GAB4: variants seen among roughly 807,000 people sequenced by gnomAD.
GAB4 encodes the protein GRB2-associated-binding protein 4.
A neutral mutation model predicts 51.3 loss-of-function variants in GAB4; 26 were observed. The observed-to-expected ratio is 0.51, with a 90% CI of 0.37 to 0.70. The LOEUF (loss-of-function observed/expected upper bound fraction) is 0.70. Ranked by LOEUF, GAB4 falls within the 30% of genes least tolerant of loss-of-function variation. The probability of loss-of-function intolerance (pLI) is 0.00; values close to 1 mark genes in which losing one functional copy is unlikely to be tolerated. For synonymous variants in GAB4, 329 were observed against 291.2 expected (o/e 1.13, Z -1.32); for missense variants, 759 against 734.6 (o/e 1.03, Z -0.38).
intron 1 of GAB4, among the ~76,000 whole-genome samples, chr22:17,006,480 A>G (rs1002640101): frequency 1.4e-4 from 22 of 152,218 alleles, no homozygotes; most frequent in African/African-American, 5.1e-4. Context: ...TAGAAATACC[A>G]TTTGACCCAG....
chr22:16,994,930 C>T (rs140420329), intron 1 of GAB4, among the ~76,000 whole-genome samples: 402 of 152,258 alleles, frequency 2.6e-3, no homozygotes, highest in African/African-American at 8.6e-3. Flanking sequence ...TTCACAGATA[C>T]GACTAATTTT....
chr22:16,999,644 G>A (rs868296069), intron 1 of GAB4, among the ~76,000 whole-genome samples: 74 of 152,252 alleles, frequency 4.9e-4, no homozygotes, highest in African/African-American at 1.8e-3. Flanking sequence ...ATCTCCTTCA[G>A]TTCTGCTCTG....
chr22:16,969,685 T>C, intron 4 of GAB4: 1 of 651,310 alleles, frequency 1.5e-6, no homozygotes, highest in Non-Finnish European at 2.7e-6. Context: ...ACAGACCACC[T>C]GCTACTTTCA....
chr22:16,965,141 C>A, intron 7 of GAB4, 37 bp downstream of exon 7: 1 of 1,511,480 alleles, frequency 6.6e-7, no homozygotes, highest in South Asian at 1.1e-5. Flanking sequence ...TCCACCGGCC[C>A]GGTCCCAAGC....
In GAB4 at chr22:16,964,673, G is replaced by A; in HGVS notation, c.1476+93C>T. 19 of 848,584 alleles carry A rather than the reference G, an allele frequency of 2.2e-5. 2 individuals carry two copies. The South Asian group carries it at 3.1e-4, about 14-fold the overall frequency. The allele number at this position is 848,584 out of a possible 1,614,324, so 52.6% of individuals were successfully genotyped here. On this transcript the variant is annotated intron_variant, in intron 8 of 9. Transcript: ENST00000400588. ...ATCACACCTGACTGGGCTGGGGTGA[G>A]TCAGCTGAGGTAGCTAAGCTGGGAA...
intron 1 of GAB4, among the ~76,000 whole-genome samples, chr22:17,003,867 A>G (rs2061017860): frequency 6.6e-6 from 1 of 152,218 alleles, no homozygotes; most frequent in African/African-American, 2.4e-5. Context: ...AACCCTTCAA[A>G]AAATCAGTAA....
chr22:16,975,185 T>G (rs191673515), intron 3 of GAB4, among the ~76,000 whole-genome samples: 14 of 152,282 alleles, frequency 9.2e-5, no homozygotes, highest in Admixed American at 9.2e-4. Context: ...AAAATGGGGC[T>G]GAAGCTAGGG....
chr22:16,981,840 T>C (rs772592636), intron 3 of GAB4, among the ~76,000 whole-genome samples: 66 of 152,196 alleles, frequency 4.3e-4, no homozygotes, highest in Non-Finnish European at 7.6e-4. Flanking sequence ...TTTATAACAA[T>C]ATATTATAAA....
intron 3 of GAB4, among the ~76,000 whole-genome samples, chr22:16,978,498 T>A (rs2123677386): frequency 6.6e-6 from 1 of 152,260 alleles, no homozygotes; most frequent in Middle Eastern, 3.4e-3. Context: ...GTCGAATCCC[T>A]GAATAGGACA....
At chr22:16,996,684 T>C (rs576696785) in intron 1 of GAB4, among the ~76,000 whole-genome samples, 2 of 152,270 alleles carry the variant, frequency 1.3e-5, no homozygotes, top group Admixed American at 6.5e-5. Context: ...TATTATACTT[T>C]AAGTTCTATG....
At chr22:17,000,444 A>G (rs1348462532) in intron 1 of GAB4, among the ~76,000 whole-genome samples, 2 of 151,884 alleles carry the variant, frequency 1.3e-5, no homozygotes, top group Admixed American at 6.6e-5. Flanking sequence ...GTTTTATCAG[A>G]GACTAGGATT....
intron 1 of GAB4, among the ~76,000 whole-genome samples, chr22:17,006,153 A>T (rs969795038): frequency 6.6e-6 from 1 of 152,222 alleles, no homozygotes; most frequent in Non-Finnish European, 1.5e-5. Context: ...AGAATGTATA[A>T]GGAATTTAAA....
At chr22:16,979,158 T>C (rs543146976) in intron 3 of GAB4, among the ~76,000 whole-genome samples, 32 of 152,266 alleles carry the variant, frequency 2.1e-4, no homozygotes, top group African/African-American at 7.2e-4. Context: ...CTATTCAACA[T>C]AGTATTGGAA....
At chr22:16,999,453 G>A (rs1397829979) in intron 1 of GAB4, among the ~76,000 whole-genome samples, 2 of 152,154 alleles carry the variant, frequency 1.3e-5, no homozygotes. Context: ...ATTCTCTGGT[G>A]GTAGTTTGTA....
Position 17,008,061 on chromosome 22 carries a change from T to C in GAB4, c.54A>G (p.Ala18=). The C allele has an allele frequency of 6.2e-7, 1 of 1,607,734 alleles. No homozygotes were observed. Among genetic ancestry groups the C allele is most frequent in the Non-Finnish European group, 8.5e-7 (1 of 1,177,488 alleles). Residue 18 remains alanine (A), a synonymous_variant, in exon 1 of 10, where the codon GCA becomes GCG. Transcript: ENST00000400588. ...PSRELCPPDP[A]FAPLSSWPGS... ...CGGGCCACGAAGACAAAGGCGCAAATGCCGGGTCAGGTGGGCACAGCTCCC... is the reference window on the plus strand; with the variant it reads ...CGGGCCACGAAGACAAAGGCGCAAACGCCGGGTCAGGTGGGCACAGCTCCC...
chr22:16,969,963 C>A lies in GAB4; in HGVS notation c.917G>T (p.Gly306Val), dbSNP rs1295271759. The A allele has an allele frequency of 1.2e-6, 2 of 1,614,048 alleles. No individual in the cohort carries two copies. Among genetic ancestry groups the A allele is most frequent in the East Asian group, 2.2e-5 (1 of 44,886 alleles). ...SHGHTRGSLT[G>V]SEADNEASSG... ...CACACCCTCATTATCCGCCTCAGAGCCTGTGAGGCTGCCTCTGGTGTGGCC... is the reference window on the plus strand; with the variant it reads ...CACACCCTCATTATCCGCCTCAGAGACTGTGAGGCTGCCTCTGGTGTGGCC... Residue 306 changes from glycine (G) to valine (V), a missense_variant, in exon 4 of 10, where the codon GGC becomes GTC. Physicochemically the swap from Gly to Val is moderately radical, Grantham distance 109. This residue lies in a region of GAB4 where 588 missense variants were observed against 510.2 expected (regional missense o/e 1.15). Coordinates refer to ENST00000400588, the MANE Select transcript of GAB4 (RefSeq NM_001037814.1).
At chr22:17,004,182 T>C (rs2061020579) in intron 1 of GAB4, among the ~76,000 whole-genome samples, 1 of 152,164 alleles carries the variant, frequency 6.6e-6, no homozygotes, top group Admixed American at 6.6e-5. Context: ...CAATAATTAA[T>C]AGCCTATCAA....
chr22:16,970,122 G>T lies in GAB4; in HGVS notation c.758C>A (p.Ala253Asp). ...ATCAACACTGTATCCACTGTGCTGG[G>T]CAAGATTTTGCATGGCTGTGTTTCT... ...MRRNTAMQNL[A>D]QHSGYSVDGV... Residue 253 changes from alanine (A) to aspartate (D), a missense_variant, in exon 4 of 10, where the codon GCC (alanine) becomes GAC (aspartate). Physicochemically the swap from Ala to Asp is moderately radical, Grantham distance 126. Around this residue, in one of 3 missense-constraint regions of GAB4, gnomAD observed 588 missense variants for 510.2 expected, o/e 1.15. Transcript: ENST00000400588. The T allele has an allele frequency of 6.2e-7, 1 of 1,614,156 alleles. No homozygotes were observed. The highest frequency in any genetic ancestry group is 8.5e-7 in the Non-Finnish European group (1 of 1,180,022).
chr22:16,987,975 C>G lies in GAB4; in HGVS notation c.671G>C (p.Arg224Thr), dbSNP rs2123697934. Residue 224 changes from arginine (R) to threonine (T), a missense_variant, in exon 3 of 10, where the codon AGA (arginine) becomes ACA (threonine). Around this residue, in one of 3 missense-constraint regions of GAB4, gnomAD observed 588 missense variants for 510.2 expected, o/e 1.15. Coordinates refer to ENST00000400588, the MANE Select transcript of GAB4 (RefSeq NM_001037814.1). ...AGCCCCCTACCTTGCATGTTCTGCT[C>G]TCTGGCTGGCGTGCTGGTGCGAGCG... is the stretch of plus-strand genomic sequence containing the variant. ...CLRSHQHASQ[R>T]AEHARSASFS... The G allele has an allele frequency of 6.2e-7, 1 of 1,603,278 alleles. No individual in the cohort carries two copies. Among genetic ancestry groups the G allele is most frequent in the East Asian group, 2.2e-5 (1 of 44,640 alleles).
Sources: allele counts gnomAD v4.1 joint callset (sites outside exome capture counted in the v4.1 genomes callset), GRCh38; gene constraint gnomAD v4.1.1; regional missense constraint gnomAD v4.1.1; transcripts MANE v1.5; gene names NCBI Gene and HGNC (gene_info 2026-07-23, HGNC 2026-07-21).